The following CCDC178 variants were observed in gnomAD, a reference collection of about 807,000 sequenced individuals.
CCDC178 encodes coiled-coil domain-containing protein 178.
In CCDC178, 126 loss-of-function variants were observed where a neutral mutation model predicts 117.4. The observed-to-expected ratio is 1.07, with a 90% CI of 0.93 to 1.24. The LOEUF is 1.24. CCDC178 is among the 50% of genes most tolerant of loss of function. CCDC178 has a pLI of 0.00. For synonymous variants in CCDC178, 283 were observed against 313.4 expected (o/e 0.90, Z 1.02); for missense variants, 1,030 against 986.9 (o/e 1.04, Z -0.59).
At chr18:33,058,504 A>G (rs902214462) in intron 21 of CCDC178, among the ~76,000 whole-genome samples, 2 of 152,222 alleles carry the variant, frequency 1.3e-5, no homozygotes, top group Non-Finnish European at 2.9e-5. Context: ...AGAAATAGTA[A>G]ACCTCCTAAT....
intron 5 of CCDC178, among the ~76,000 whole-genome samples, chr18:33,376,261 C>G (rs1377876998): frequency 1.3e-5 from 2 of 152,010 alleles, no homozygotes; most frequent in African/African-American, 4.8e-5. Flanking sequence ...CCCAACACTC[C>G]TGGTGTGTTG....
At chr18:32,985,259 T>TTGCAAA (rs1307070733) in intron 21 of CCDC178, among the ~76,000 whole-genome samples, 1 of 152,030 alleles carries the variant, frequency 6.6e-6, no homozygotes, top group Non-Finnish European at 1.5e-5. Flanking sequence ...TGAAGTTATT[T>TTGCAAA]GTTTTAAACA....
chr18:33,004,762 C>G (rs1162324297), intron 21 of CCDC178, among the ~76,000 whole-genome samples: 2 of 151,976 alleles, frequency 1.3e-5, no homozygotes, highest in African/African-American at 4.8e-5. Flanking sequence ...TCAAACAACT[C>G]TATAGGACAA....
At chr18:33,200,708 C>T (rs1441698960) in intron 20 of CCDC178, among the ~76,000 whole-genome samples, 1 of 152,192 alleles carries the variant, frequency 6.6e-6, no homozygotes, top group Non-Finnish European at 1.5e-5. Context: ...CTCATCTTCG[C>T]AAGTTTTTTT....
chr18:33,366,153 T>C (rs1394910434), intron 6 of CCDC178, among the ~76,000 whole-genome samples: 1 of 152,032 alleles, frequency 6.6e-6, no homozygotes, highest in African/African-American at 2.4e-5. Context: ...GATGTAAGCT[T>C]TATAATTACT....
intron 20 of CCDC178, among the ~76,000 whole-genome samples, chr18:33,122,815 C>T (rs949631834): frequency 4.6e-5 from 7 of 152,142 alleles, no homozygotes; most frequent in African/African-American, 1.7e-4. Context: ...TTTAATATTG[C>T]TTTTACGTGA....
intron 15 of CCDC178, among the ~76,000 whole-genome samples, chr18:33,240,544 TAAC>T (rs1228809376): frequency 2.0e-5 from 3 of 151,284 alleles, no homozygotes; most frequent in Non-Finnish European, 3.0e-5. Context: ...TCACAATAGA[TAAC>T]AACAGAAATA....
chr18:33,363,731 C>T (rs544697787), intron 6 of CCDC178, among the ~76,000 whole-genome samples: 16 of 151,980 alleles, frequency 1.1e-4, no homozygotes, highest in Admixed American at 2.0e-4. Flanking sequence ...AAGTTGCACA[C>T]AAGGAACTTC....
chr18:33,306,508 T>C (rs1396631963), intron 11 of CCDC178, among the ~76,000 whole-genome samples: 2 of 143,060 alleles, frequency 1.4e-5, no homozygotes, highest in African/African-American at 2.8e-5. Flanking sequence ...TATATGGTTA[T>C]ATATAATATA....
chr18:33,035,692 G>C (rs2056430225), intron 21 of CCDC178, among the ~76,000 whole-genome samples: 1 of 151,906 alleles, frequency 6.6e-6, no homozygotes, highest in Non-Finnish European at 1.5e-5. Context: ...GGGATCTATT[G>C]TATAGCATGA....
Position 33,100,285 on chromosome 18 carries a change from GC to G in CCDC178, c.2239-7376del, listed in dbSNP as rs1412554333. 7.2e-4 allele frequency among the ~76,000 whole-genome samples: 110 copies of G among 152,050 alleles called. No individual in the cohort carries two copies. The East Asian group carries it at 0.017, about 24-fold the overall frequency. ...GTTTACTAACGGACATTATGACATTGCCTCTCAGAAGAAATTCATTGAGAAT... is the reference window on the plus strand; with the variant it reads ...GTTTACTAACGGACATTATGACATTGCTCTCAGAAGAAATTCATTGAGAAT... On this transcript the variant is annotated intron_variant, in intron 20 of 22. Transcript: ENST00000383096.
At chr18:33,405,486 A>T (rs916910364) in intron 3 of CCDC178, among the ~76,000 whole-genome samples, 1 of 151,938 alleles carries the variant, frequency 6.6e-6, no homozygotes, top group African/African-American at 2.4e-5. Flanking sequence ...GATTATAATT[A>T]GATGAAAATA....
At chr18:33,037,399 C>T (rs74480199) in intron 21 of CCDC178, among the ~76,000 whole-genome samples, 21,471 of 151,862 alleles carry the variant, frequency 0.14, 1,960 homozygotes, top group Non-Finnish European at 0.21. Flanking sequence ...TTTGTAAACT[C>T]TGTCATTGAT....
intron 14 of CCDC178, among the ~76,000 whole-genome samples, chr18:33,264,052 T>G (rs2059784451): frequency 6.6e-6 from 1 of 152,046 alleles, no homozygotes; most frequent in African/African-American, 2.4e-5. Flanking sequence ...GTTTAAGAGA[T>G]AAAAGATAAG....
In CCDC178 at chr18:33,348,984, T is replaced by C. The variant is rs748731725; in HGVS notation, c.372-9A>G. ...TGGAAGAAGTTCTGCTCCTATATAA[T>C]GGGAAAGAAGCAAGCAGTAAAGAAG... On this transcript the variant is annotated splice_polypyrimidine_tract_variant and intron_variant, in intron 7 of 22. Coordinates refer to ENST00000383096, the MANE Select transcript of CCDC178 (RefSeq NM_001105528.4). 5 of 1,579,738 alleles carry C rather than the reference T, an allele frequency of 3.2e-6. No individual in the cohort carries two copies. Among genetic ancestry groups the C allele is most frequent in the East Asian group, 2.3e-5 (1 of 44,294 alleles).
intron 21 of CCDC178, among the ~76,000 whole-genome samples, chr18:33,002,955 C>A (rs917945545): frequency 1.3e-5 from 2 of 152,068 alleles, no homozygotes; most frequent in Admixed American, 6.5e-5. Flanking sequence ...TAGATACATA[C>A]AACCTATCAA....
Position 33,108,180 on chromosome 18 carries a change from A to G in CCDC178, c.2239-15270T>C, listed in dbSNP as rs149378003. Among the ~76,000 whole-genome samples, 137 of 151,754 alleles carry G rather than the reference A, an allele frequency of 9.0e-4. 1 individual carries two copies. The highest frequency in any genetic ancestry group is 3.2e-3 in the African/African-American group (133 of 41,472). On this transcript the variant is annotated intron_variant, in intron 20 of 22. Coordinates refer to ENST00000383096, the MANE Select transcript of CCDC178 (RefSeq NM_001105528.4). ...GTTCATCTACTCATATATTATATGC[A>G]TGGAACTGTCATTAGTATACCTAAG...
rs762268541 is a variant in CCDC178, at chr18:33,267,201, C to T, written c.1272+1G>A. On this transcript the variant is annotated splice_donor_variant, in intron 13 of 22. Coordinates refer to ENST00000383096, the MANE Select transcript of CCDC178 (RefSeq NM_001105528.4). LOFTEE classifies it high-confidence loss of function. ...TGGGAAGTAGGAAAAAATCAACTTA[C>T]TGCAGCATAAAAATCATTAACTGCT... 1.3e-6 allele frequency: 2 copies of T among 1,588,484 alleles called. No homozygotes were observed. Among genetic ancestry groups the T allele is most frequent in the East Asian group, 2.2e-5 (1 of 44,578 alleles).
At chr18:33,067,875 G>T (rs1005096468) in intron 21 of CCDC178, among the ~76,000 whole-genome samples, 2 of 150,938 alleles carry the variant, frequency 1.3e-5, no homozygotes, top group Non-Finnish European at 3.0e-5. Flanking sequence ...AAAAAAAGAA[G>T]AATTAACAAA....
Sources: gnomAD v4.1 joint callset for allele counts (sites outside exome capture counted in the v4.1 genomes callset) on GRCh38, gnomAD v4.1.1 for gene constraint, MANE v1.5 for transcripts, NCBI Gene and HGNC (gene_info 2026-07-23, HGNC 2026-07-21) for gene names.